PTPRG: variants seen among roughly 807,000 people sequenced by gnomAD.
The protein encoded by PTPRG is protein tyrosine phosphatase receptor type G.
PTPRG carries 102 observed loss-of-function variants against 165.3 expected under a neutral mutation model. The ratio of observed to expected loss-of-function variants is 0.62; its 90% confidence interval spans 0.53 to 0.73. The LOEUF (loss-of-function observed/expected upper bound fraction) is 0.73. PTPRG is among the 30% of genes least tolerant of loss of function. The pLI is 0.00. For missense variants in PTPRG, 1,866 were observed against 1,861.4 expected (o/e 1.00, Z -0.05); for synonymous variants, 675 against 669.5 (o/e 1.01, Z -0.13).
At chr3:61,919,680 G>C (rs546621816) in intron 2 of PTPRG, among the ~76,000 whole-genome samples, 24 of 152,154 alleles carry the variant, frequency 1.6e-4, no homozygotes, top group Middle Eastern at 3.4e-3. Flanking sequence ...AGGGTTTTCT[G>C]TTTCATGTAC....
intron 2 of PTPRG, among the ~76,000 whole-genome samples, chr3:61,878,638 C>G (rs183548429): frequency 6.6e-6 from 1 of 152,200 alleles, no homozygotes; most frequent in African/African-American, 2.4e-5. Context: ...GGACTACAGG[C>G]GTGTGCTACC....
chr3:61,665,213 G>A (rs998700199), intron 1 of PTPRG, among the ~76,000 whole-genome samples: 40 of 152,300 alleles, frequency 2.6e-4, no homozygotes, highest in Admixed American at 1.3e-4. Flanking sequence ...AGACCTAGAA[G>A]AGATAAGAAA....
chr3:61,564,417 G>A (rs1699854987), intron 1 of PTPRG, among the ~76,000 whole-genome samples: 1 of 152,160 alleles, frequency 6.6e-6, no homozygotes, highest in Admixed American at 6.5e-5. Context: ...GAGGAAGCTT[G>A]AGATCCAAAA....
At chr3:61,677,354 G>A (rs2107102085) in intron 1 of PTPRG, among the ~76,000 whole-genome samples, 1 of 152,098 alleles carries the variant, frequency 6.6e-6, no homozygotes, top group East Asian at 1.9e-4. Context: ...TCTTTATGAA[G>A]GCCATCAGAG....
chr3:62,063,791 C>T (rs951313458), intron 4 of PTPRG, among the ~76,000 whole-genome samples: 2 of 152,110 alleles, frequency 1.3e-5, no homozygotes, highest in South Asian at 2.1e-4. Flanking sequence ...GTGTGAGTCA[C>T]CTCACCTGGC....
intron 1 of PTPRG, among the ~76,000 whole-genome samples, chr3:61,664,657 C>T (rs1320791162): frequency 1.3e-5 from 2 of 152,018 alleles, no homozygotes; most frequent in Non-Finnish European, 2.9e-5. Context: ...TGGTGAAAAC[C>T]CCACCTCTAC....
chr3:62,015,132 C>G (rs899691442), intron 4 of PTPRG, among the ~76,000 whole-genome samples: 8 of 152,230 alleles, frequency 5.3e-5, no homozygotes, highest in African/African-American at 1.9e-4. Context: ...ACTGGCTTCT[C>G]TAGAGACATT....
intron 1 of PTPRG, chr3:61,742,582 G>T (rs680294): frequency 0.67 from 1,054,297 of 1,577,762 alleles, 360,827 homozygotes; most frequent in Non-Finnish European, 0.7. Context: ...AAGCTCATCG[G>T]CTGTCATCTT....
intron 11 of PTPRG, among the ~76,000 whole-genome samples, chr3:62,202,957 A>G (rs903345188): frequency 1.2e-4 from 18 of 152,212 alleles, no homozygotes; most frequent in African/African-American, 2.4e-4. Context: ...GCATTTTAAC[A>G]TGTTCACAAT....
intron 2 of PTPRG, among the ~76,000 whole-genome samples, chr3:61,862,939 C>T (rs1468346757): frequency 6.7e-6 from 1 of 149,898 alleles, no homozygotes; most frequent in African/African-American, 2.5e-5. Flanking sequence ...TTAATTGCCT[C>T]AAGTATAAAA....
At chr3:61,606,384 TTAA>T (rs1190374562) in intron 1 of PTPRG, among the ~76,000 whole-genome samples, 2 of 152,162 alleles carry the variant, frequency 1.3e-5, no homozygotes, top group African/African-American at 4.8e-5. Flanking sequence ...GTAGTCTCTT[TTAA>T]AAGACTCACC....
At chr3:61,910,644 A>G (rs142750139) in intron 2 of PTPRG, among the ~76,000 whole-genome samples, 7 of 152,304 alleles carry the variant, frequency 4.6e-5, no homozygotes, top group African/African-American at 1.4e-4. Flanking sequence ...TACCTGGTGC[A>G]GGCTTTGTGT....
intron 1 of PTPRG, among the ~76,000 whole-genome samples, chr3:61,676,481 T>TAAAAAAAAAAAAAAAAAAAAAAA (rs1703233931): frequency 1.5e-5 from 1 of 67,786 alleles, no homozygotes; most frequent in East Asian, 4.8e-4. Flanking sequence ...AAAAGAAAAT[T>TAAAAAAAAAAAAAAAAAAAAAAA]ACTAAAGTCT....
rs543557657 is a variant in PTPRG, at chr3:62,219,853, G to T, written c.2288+870G>T. 6.6e-6 allele frequency among the ~76,000 whole-genome samples: 1 copy of T among 152,364 alleles called. No individual in the cohort carries two copies. The highest frequency in any genetic ancestry group is 1.9e-4 in the East Asian group (1 of 5,190). On this transcript the variant is annotated intron_variant, in intron 13 of 29. Coordinates refer to ENST00000474889, the MANE Select transcript of PTPRG (RefSeq NM_002841.4). This position sits in a 1 kb window ranked among gnomAD's most constrained non-coding sequence, Gnocchi z 4.5. ...AATCCTTACTGTCATGGAGCTTACA[G>T]TTTAGTGGAGGAGGCAGGCAATAAA...
At chr3:62,187,949 G>C (rs951526779) in intron 8 of PTPRG, among the ~76,000 whole-genome samples, 1 of 152,160 alleles carries the variant, frequency 6.6e-6, no homozygotes, top group African/African-American at 2.4e-5. Flanking sequence ...TACCTCCTTT[G>C]AGAGCTTAAC....
At chr3:61,915,041 C>A (rs1013686752) in intron 2 of PTPRG, among the ~76,000 whole-genome samples, 1 of 152,164 alleles carries the variant, frequency 6.6e-6, no homozygotes, top group Non-Finnish European at 1.5e-5. Context: ...CCAGCCTGAA[C>A]AACATGGTGA....
chr3:61,732,433 T>C (rs1352005169), intron 1 of PTPRG, among the ~76,000 whole-genome samples: 2 of 151,450 alleles, frequency 1.3e-5, no homozygotes, highest in East Asian at 2.0e-4. Flanking sequence ...AAAAATTAGC[T>C]GGGCATGGTG....
intron 2 of PTPRG, among the ~76,000 whole-genome samples, chr3:61,986,279 G>A (rs2040760734): frequency 6.6e-6 from 1 of 152,156 alleles, no homozygotes; most frequent in Non-Finnish European, 1.5e-5. Context: ...GCATTGGAAT[G>A]AAGTTGTACA....
chr3:61,652,539 A>C, intron 1 of PTPRG, among the ~76,000 whole-genome samples: 1 of 151,434 alleles, frequency 6.6e-6, no homozygotes, highest in African/African-American at 2.5e-5. Flanking sequence ...TATTCAGTGG[A>C]GCAAATGTTC....
Sources: gnomAD v4.1 joint callset for allele counts (sites outside exome capture counted in the v4.1 genomes callset) on GRCh38, gnomAD v4.1.1 for gene constraint, Gnocchi (gnomAD v3.1) non-coding constraint, MANE v1.5 for transcripts, NCBI Gene and HGNC (gene_info 2026-07-23, HGNC 2026-07-21) for gene names.